Variants in GALNT17 observed in about 807,000 individuals in gnomAD.
The protein encoded by GALNT17 is UDP-GalNAc:polypeptide N-acetylgalactosaminyltransferase-like 3.
Under a neutral mutation model 63.7 loss-of-function variants are expected in GALNT17, and 29 were observed. That is an observed-to-expected ratio of 0.46 (90% CI 0.34 to 0.62). The LOEUF is 0.62. Ranked by LOEUF, GALNT17 falls within the 20% of genes least tolerant of loss-of-function variation. The pLI, the probability that GALNT17 is intolerant of heterozygous loss-of-function variation, is 0.01. For missense variants in GALNT17, 603 were observed against 799.6 expected (o/e 0.75, Z 2.97); for synonymous variants, 305 against 318.3 (o/e 0.96, Z 0.45).
chr7:71,571,594 G>A (rs1584059228), intron 6 of GALNT17, among the ~76,000 whole-genome samples, 192 bp downstream of exon 6: 1 of 152,126 alleles, frequency 6.6e-6, no homozygotes, highest in South Asian at 2.1e-4. Flanking sequence ...GCTTTCCCCT[G>A]TCTAAAAGTT....
intron 1 of GALNT17, among the ~76,000 whole-genome samples, chr7:71,302,621 C>T (rs1442976621): frequency 6.6e-6 from 1 of 152,138 alleles, no homozygotes; most frequent in Non-Finnish European, 1.5e-5. Context: ...TAGAACGTCA[C>T]TGTAATGGGG....
At chr7:71,220,103 G>A (rs896913934) in intron 1 of GALNT17, among the ~76,000 whole-genome samples, 6 of 152,188 alleles carry the variant, frequency 3.9e-5, no homozygotes, top group South Asian at 2.1e-4. Context: ...GAACAAATAC[G>A]TTCAGGGTTT....
At chr7:71,149,580 T>C (rs1432434440) in intron 1 of GALNT17, among the ~76,000 whole-genome samples, 1 of 152,176 alleles carries the variant, frequency 6.6e-6, no homozygotes, top group Non-Finnish European at 1.5e-5. Context: ...GTGTGAAAAG[T>C]TGTAAAGCTG....
chr7:71,216,281 T>C (rs2116407193), intron 1 of GALNT17, among the ~76,000 whole-genome samples: 2 of 152,246 alleles, frequency 1.3e-5, no homozygotes, highest in South Asian at 4.1e-4. Flanking sequence ...ATGCAGCTTC[T>C]GGAAAACTCT....
At chr7:71,334,558 A>G (rs1476227769) in intron 1 of GALNT17, among the ~76,000 whole-genome samples, 5 of 152,218 alleles carry the variant, frequency 3.3e-5, no homozygotes, top group Non-Finnish European at 5.9e-5. Context: ...AAAGTTTTCT[A>G]GTTAAGTAAT....
intron 6 of GALNT17, among the ~76,000 whole-genome samples, chr7:71,610,376 T>C (rs1423917471): frequency 6.6e-6 from 1 of 152,130 alleles, no homozygotes; most frequent in African/African-American, 2.4e-5. Context: ...CAGGACTAGC[T>C]ACTCAGGAGG....
At chr7:71,553,944 C>A (rs535359961) in intron 5 of GALNT17, among the ~76,000 whole-genome samples, 1 of 152,194 alleles carries the variant, frequency 6.6e-6, no homozygotes, top group African/African-American at 2.4e-5. Flanking sequence ...CTTGGGGCAA[C>A]GAGAGAGGTG....
chr7:71,584,632 T>C (rs546349715), intron 6 of GALNT17, among the ~76,000 whole-genome samples: 2 of 152,324 alleles, frequency 1.3e-5, no homozygotes, highest in Admixed American at 6.5e-5. Context: ...CTCAGTTATA[T>C]TTTCTCAAAA....
chr7:71,551,892 T>C (rs892758911), intron 5 of GALNT17, among the ~76,000 whole-genome samples: 5 of 152,290 alleles, frequency 3.3e-5, no homozygotes, highest in African/African-American at 1.2e-4. Flanking sequence ...ACAGGAGTGC[T>C]CACAGCCTCT....
intron 2 of GALNT17, among the ~76,000 whole-genome samples, chr7:71,362,003 C>T (rs1792411158): frequency 6.6e-6 from 1 of 152,090 alleles, no homozygotes; most frequent in Admixed American, 6.6e-5. Flanking sequence ...GTTGCCCAGG[C>T]TGGGGTACAG....
intron 5 of GALNT17, among the ~76,000 whole-genome samples, chr7:71,426,579 A>G (rs1206395497): frequency 6.6e-6 from 1 of 152,154 alleles, no homozygotes; most frequent in African/African-American, 2.4e-5. Context: ...GAGGCCTCAT[A>G]GAGCTTTTAC....
At chr7:71,158,598 A>G (rs1354243764) in intron 1 of GALNT17, among the ~76,000 whole-genome samples, 1 of 149,272 alleles carries the variant, frequency 6.7e-6, no homozygotes, top group Non-Finnish European at 1.5e-5. Flanking sequence ...TTTGTTTGAG[A>G]TGGAATCTCG....
At chr7:71,522,539 T>C (rs1788546747) in intron 5 of GALNT17, among the ~76,000 whole-genome samples, 1 of 152,084 alleles carries the variant, frequency 6.6e-6, no homozygotes, top group Admixed American at 6.6e-5. Context: ...CCATCAGATC[T>C]TGTGAGACTT....
chr7:71,269,219 C>G (rs1790543119), intron 1 of GALNT17, among the ~76,000 whole-genome samples: 1 of 152,178 alleles, frequency 6.6e-6, no homozygotes, highest in South Asian at 2.1e-4. Flanking sequence ...AATCCCAGTA[C>G]TTTGGGAAGC....
At chr7:71,474,135 C>T (rs1787685480) in intron 5 of GALNT17, among the ~76,000 whole-genome samples, 1 of 152,098 alleles carries the variant, frequency 6.6e-6, no homozygotes, top group Admixed American at 6.6e-5. Context: ...TGGATATTGC[C>T]ATGGCATTCG....
intron 9 of GALNT17, among the ~76,000 whole-genome samples, chr7:71,681,475 G>A (rs1791260983): frequency 6.6e-6 from 1 of 152,172 alleles, no homozygotes. Context: ...TTGAAGAAAG[G>A]GGACATAGAG....
intron 6 of GALNT17, among the ~76,000 whole-genome samples, chr7:71,584,024 C>T (rs1035360390): frequency 3.3e-5 from 5 of 151,866 alleles, no homozygotes; most frequent in African/African-American, 1.2e-4. Flanking sequence ...CCCAGCTGCT[C>T]GGGAGGCTGA....
chr7:71,246,253 C>T lies in GALNT17; in HGVS notation c.239-89297C>T, dbSNP rs370502096. Among the ~76,000 whole-genome samples, 59 of 150,336 alleles carry T rather than the reference C, an allele frequency of 3.9e-4. No individual in the cohort carries two copies. In the South Asian group the frequency reaches 0.012, roughly 31 times the overall value. On this transcript the variant is annotated intron_variant, in intron 1 of 10. Coordinates refer to ENST00000333538, the MANE Select transcript of GALNT17 (RefSeq NM_022479.3). ...TCTCCTGCATCAGCCTCCTAAGTAG[C>T]TGGGATTACAGGCACCCACCCACCA...
chr7:71,469,961 C>T (rs1787600481), intron 5 of GALNT17, among the ~76,000 whole-genome samples: 1 of 152,212 alleles, frequency 6.6e-6, no homozygotes, highest in South Asian at 2.1e-4. Context: ...ATAATCCCAA[C>T]ACTTTGGGAG....
Sources: gnomAD v4.1 joint callset for allele counts (sites outside exome capture counted in the v4.1 genomes callset) on GRCh38, gnomAD v4.1.1 for gene constraint, MANE v1.5 for transcripts, NCBI Gene and HGNC (gene_info 2026-07-23, HGNC 2026-07-21) for gene names.